CCDC3: variants seen among roughly 807,000 people sequenced by gnomAD.
CCDC3 encodes the protein coiled-coil domain containing 3.
Under a neutral mutation model 21.4 loss-of-function variants are expected in CCDC3, and 24 were observed. That is an observed-to-expected ratio of 1.12 (90% CI 0.81 to 1.58). CCDC3 has a LOEUF of 1.58. Among genes scored for constraint, CCDC3 ranks in the 40% most tolerant of loss-of-function variants. The probability of loss-of-function intolerance (pLI) is 0.00; values close to 1 mark genes in which losing one functional copy is unlikely to be tolerated. For synonymous variants in CCDC3, 186 were observed against 166.0 expected (o/e 1.12, Z -0.93); for missense variants, 425 against 360.9 (o/e 1.18, Z -1.44).
At chr10:13,072,863 CTTTCTTT>C (rs750943656) in intron 4 of CCDC3, among the ~76,000 whole-genome samples, 5 of 65,618 alleles carry the variant, frequency 7.6e-5, no homozygotes, top group Admixed American at 2.9e-4. Context: ...CTTTTCTTTT[CTTTCTTT>C]TTTTTTTTTT....
At chr10:12,989,604 T>C (rs1835650796) in intron 2 of CCDC3, among the ~76,000 whole-genome samples, 1 of 151,972 alleles carries the variant, frequency 6.6e-6, no homozygotes, top group Non-Finnish European at 1.5e-5. Context: ...GTATTTTAGG[T>C]AGAGACAGGG....
rs528721612 is a variant in CCDC3, at chr10:13,066,220, C to T, written c.-270+7648G>A. On this transcript the variant is annotated intron_variant, in intron 4 of 6. Coordinates refer to the CCDC3 transcript ENST00000378839. Reference sequence around the variant, plus strand: ...TCACCCAAACTGGAGTACAATGGTACGATCTTGGCCCACTGCACCCTTGCC... The same window carrying T: ...TCACCCAAACTGGAGTACAATGGTATGATCTTGGCCCACTGCACCCTTGCC... Among the ~76,000 whole-genome samples the T allele has an allele frequency of 2.6e-5, 4 of 152,018 alleles. No individual in the cohort carries two copies. In the South Asian group the frequency reaches 6.2e-4, roughly 24 times the overall value.
In CCDC3 at chr10:13,075,034, G is replaced by T. The variant is rs1358418302; in HGVS notation, c.-502-934C>A. Among the ~76,000 whole-genome samples the T allele has an allele frequency of 2.6e-5, 4 of 152,150 alleles. 1 individual carries two copies. Among genetic ancestry groups the T allele is most frequent in the Non-Finnish European group, 5.9e-5 (4 of 68,028 alleles). ...ATCTGCTGGACATGGACAAACAATCGTAGGCGGGGAACATCAGAACTGACG... is the reference window on the plus strand; with the variant it reads ...ATCTGCTGGACATGGACAAACAATCTTAGGCGGGGAACATCAGAACTGACG... On this transcript the variant is annotated intron_variant, in intron 3 of 6. Coordinates refer to the CCDC3 transcript ENST00000378839.
intron 5 of CCDC3, among the ~76,000 whole-genome samples, chr10:13,039,383 A>G (rs1313167224): frequency 6.6e-6 from 1 of 151,890 alleles, no homozygotes; most frequent in Non-Finnish European, 1.5e-5. Flanking sequence ...AGATCGTGCC[A>G]CTGCACTCCA....
At chr10:12,950,474 C>A (rs1474148537) in intron 2 of CCDC3, among the ~76,000 whole-genome samples, 1 of 151,980 alleles carries the variant, frequency 6.6e-6, no homozygotes, top group Non-Finnish European at 1.5e-5. Flanking sequence ...ATTCATCCAC[C>A]ACCCCATCAG....
intron 2 of CCDC3, among the ~76,000 whole-genome samples, chr10:12,939,906 C>T (rs1319918593): frequency 6.6e-6 from 1 of 152,144 alleles, no homozygotes; most frequent in Non-Finnish European, 1.5e-5. Context: ...TTGGCTAATT[C>T]TAAGAATTTT....
chr10:13,002,259 A>G (rs143428456), upstream of CCDC3, among the ~76,000 whole-genome samples: 10 of 152,296 alleles, frequency 6.6e-5, no homozygotes, highest in East Asian at 1.7e-3. Context: ...TCCATTTTCT[A>G]AACACTGTAC....
chr10:12,967,337 C>A (rs1330573982), intron 2 of CCDC3, among the ~76,000 whole-genome samples: 1 of 151,872 alleles, frequency 6.6e-6, no homozygotes, highest in Non-Finnish European at 1.5e-5. Context: ...TAACTAACCA[C>A]AAAGAAATTA....
At chr10:13,088,621 C>T (rs1046896521) in intron 3 of CCDC3, among the ~76,000 whole-genome samples, 1 of 152,160 alleles carries the variant, frequency 6.6e-6, no homozygotes, top group Admixed American at 6.5e-5. Context: ...GACAGGCTGC[C>T]GCTCACCTGC....
At chr10:13,002,012 CTT>C (rs1226151733), upstream of CCDC3, among the ~76,000 whole-genome samples, 1 of 152,222 alleles carries the variant, frequency 6.6e-6, no homozygotes, top group Non-Finnish European at 1.5e-5. Context: ...AAGAATGACT[CTT>C]AATTTGCACG....
intron 2 of CCDC3, among the ~76,000 whole-genome samples, chr10:12,951,216 AT>A (rs201257618): frequency 6.6e-6 from 1 of 151,952 alleles, no homozygotes; most frequent in African/African-American, 2.4e-5. Flanking sequence ...TACAAAAATA[AT>A]TTTTTTTAAT....
At chr10:13,058,385 G>A (rs1458907813) in intron 4 of CCDC3, 6 of 949,228 alleles carry the variant, frequency 6.3e-6, no homozygotes, top group African/African-American at 3.2e-5. Flanking sequence ...AGGACAATAC[G>A]CTGCAGCGTA....
At chr10:12,941,257 T>C (rs756284174) in intron 2 of CCDC3, among the ~76,000 whole-genome samples, 2 of 152,222 alleles carry the variant, frequency 1.3e-5, no homozygotes, top group Admixed American at 6.5e-5. Flanking sequence ...GAAGTTACTG[T>C]ATATTGTCTA....
chr10:12,902,334 A>G (rs912113982), intron 2 of CCDC3, among the ~76,000 whole-genome samples: 2 of 152,164 alleles, frequency 1.3e-5, no homozygotes, highest in Non-Finnish European at 2.9e-5. Context: ...CAAAAAGATG[A>G]GAAGGTGGGC....
chr10:13,047,097 C>G (rs1368534276), intron 5 of CCDC3, among the ~76,000 whole-genome samples: 1 of 152,182 alleles, frequency 6.6e-6, no homozygotes, highest in African/African-American at 2.4e-5. Context: ...GGAGACAGAA[C>G]AGAGAGACTC....
intron 2 of CCDC3, among the ~76,000 whole-genome samples, chr10:12,973,356 A>AG (rs1835370610): frequency 6.6e-6 from 1 of 151,950 alleles, no homozygotes; most frequent in Non-Finnish European, 1.5e-5. Context: ...AGCTGAATGG[A>AG]GGGGGAGGAG....
At chr10:13,075,356 G>T (rs1199861828) in intron 3 of CCDC3, among the ~76,000 whole-genome samples, 2 of 152,020 alleles carry the variant, frequency 1.3e-5, no homozygotes, top group African/African-American at 2.4e-5. Flanking sequence ...TGTTTCTTTG[G>T]CTTTTAAACG....
intron 3 of CCDC3, among the ~76,000 whole-genome samples, chr10:13,094,203 G>A (rs79899532): frequency 6.6e-6 from 1 of 151,714 alleles, no homozygotes; most frequent in Non-Finnish European, 1.5e-5. Flanking sequence ...TAACCTAAGG[G>A]GTAAATACCT....
In CCDC3 at chr10:12,986,738, A is replaced by G. The variant is rs1307755199; in HGVS notation, c.549+11600T>C. Among the ~76,000 whole-genome samples the G allele has an allele frequency of 5.3e-5, 8 of 151,274 alleles. No homozygotes were observed. The East Asian group carries it at 1.6e-3, about 30-fold the overall frequency. Reference sequence around the variant, plus strand: ...CAGTGAGCCGAGATCGTGCCACTGCACCCCAGCCTGGGCGGCAGAGCGAGA... The same window carrying G: ...CAGTGAGCCGAGATCGTGCCACTGCGCCCCAGCCTGGGCGGCAGAGCGAGA... On this transcript the variant is annotated intron_variant, in intron 2 of 2. Transcript: ENST00000378825.
Sources: allele counts gnomAD v4.1 joint callset (sites outside exome capture counted in the v4.1 genomes callset), GRCh38; gene constraint gnomAD v4.1.1; transcripts MANE v1.5; gene names NCBI Gene and HGNC (gene_info 2026-07-23, HGNC 2026-07-21).